The following STXBP4 variants were observed in gnomAD, a reference collection of about 807,000 sequenced individuals.
STXBP4 encodes syntaxin-binding protein 4.
Under a neutral mutation model 76.1 loss-of-function variants are expected in STXBP4, and 55 were observed. The observed-to-expected ratio is 0.72, with a 90% CI of 0.58 to 0.91. The LOEUF (loss-of-function observed/expected upper bound fraction) is 0.91. STXBP4 is among the 40% of genes least tolerant of loss of function. STXBP4 has a pLI of 0.00. For missense variants in STXBP4, 618 were observed against 636.9 expected (o/e 0.97, Z 0.32); for synonymous variants, 201 against 220.2 (o/e 0.91, Z 0.77).
At chr17:55,095,687 T>C (rs2079476378) in intron 16 of STXBP4, among the ~76,000 whole-genome samples, 1 of 152,206 alleles carries the variant, frequency 6.6e-6, no homozygotes, top group African/African-American at 2.4e-5. Flanking sequence ...AGTTTTGCAG[T>C]TCTAAAGTTC....
intron 16 of STXBP4, among the ~76,000 whole-genome samples, chr17:55,138,794 C>G (rs1311533396): frequency 6.6e-6 from 1 of 151,954 alleles, no homozygotes; most frequent in Non-Finnish European, 1.5e-5. Flanking sequence ...AAACTGAGTT[C>G]ATCAATAAGC....
chr17:55,078,630 A>G, intron 14 of STXBP4, 56 bp from the exon 15 acceptor site: 3 of 1,112,396 alleles, frequency 2.7e-6, no homozygotes, highest in Non-Finnish European at 4.0e-6. Flanking sequence ...AAGAAAAGAT[A>G]TTTTTTAAAA....
At chr17:54,987,217 TA>T (rs997704115) in intron 3 of STXBP4, among the ~76,000 whole-genome samples, 4 of 152,106 alleles carry the variant, frequency 2.6e-5, no homozygotes, top group African/African-American at 9.7e-5. Flanking sequence ...CAAGGCATAT[TA>T]AAAAAAATCT....
chr17:55,013,703 T>TAAATCATCC (rs2078152750), intron 8 of STXBP4, among the ~76,000 whole-genome samples: 1 of 152,194 alleles, frequency 6.6e-6, no homozygotes, highest in African/African-American at 2.4e-5. Flanking sequence ...CAGCTAAAAG[T>TAAATCATCC]AAATCATCCA....
chr17:55,009,178 A>G (rs1289562001), intron 8 of STXBP4, among the ~76,000 whole-genome samples: 1 of 152,174 alleles, frequency 6.6e-6, no homozygotes, highest in Non-Finnish European at 1.5e-5. Flanking sequence ...TCTCCTTTAT[A>G]CTTTCAAAAT....
the STXBP4 span, among the ~76,000 whole-genome samples, chr17:55,204,017 C>T: frequency 6.6e-6 from 1 of 151,994 alleles, no homozygotes; most frequent in Non-Finnish European, 1.5e-5. Flanking sequence ...AAATCTCATC[C>T]AATATCTCTT....
Position 55,168,562 on chromosome 17 carries a change from T to G in STXBP4, c.*8651T>G, listed in dbSNP as rs1466018147. On this transcript the variant is annotated 3_prime_UTR_variant, in exon 18 of 18. Transcript: ENST00000376352. ...TGACTTAGTAGTTAGAATTTTTATCTTATACGCCTTTAAGTAAATACAAGA... is the reference window on the plus strand; with the variant it reads ...TGACTTAGTAGTTAGAATTTTTATCGTATACGCCTTTAAGTAAATACAAGA... The G allele has an allele frequency of 6.6e-6, 1 of 152,226 alleles. No individual in the cohort carries two copies. The highest frequency in any genetic ancestry group is 1.5e-5 in the Non-Finnish European group (1 of 68,018). 9.4% of individuals were successfully genotyped at this position (152,226 alleles called of 1,614,324 possible).
intron 12 of STXBP4, among the ~76,000 whole-genome samples, chr17:55,069,075 T>C (rs1240584239): frequency 6.6e-6 from 1 of 151,730 alleles, no homozygotes; most frequent in Non-Finnish European, 1.5e-5. Context: ...CTTTGAAGTT[T>C]CATTATGTAA....
chr17:55,026,990 G>T (rs1225841530), intron 8 of STXBP4, among the ~76,000 whole-genome samples: 6 of 152,132 alleles, frequency 3.9e-5, no homozygotes, highest in African/African-American at 1.4e-4. Flanking sequence ...TTTGATTTTA[G>T]CTAGCTGAAA....
chr17:55,211,097 C>G, the STXBP4 span, among the ~76,000 whole-genome samples: 22 of 152,026 alleles, frequency 1.4e-4, no homozygotes, highest in African/African-American at 5.1e-4. Context: ...TGAAATGCCC[C>G]CCCCCATGAA....
At chr17:55,157,833 T>C (rs1288412208) in intron 17 of STXBP4, among the ~76,000 whole-genome samples, 3 of 152,180 alleles carry the variant, frequency 2.0e-5, no homozygotes, top group Non-Finnish European at 4.4e-5. Context: ...TTGTAATCAG[T>C]AGCCAATAAA....
At chr17:55,126,634 G>C (rs1178146841) in intron 16 of STXBP4, among the ~76,000 whole-genome samples, 1 of 152,110 alleles carries the variant, frequency 6.6e-6, no homozygotes, top group African/African-American at 2.4e-5. Context: ...TCAAAAGAAA[G>C]AATTTCTGGA....
At chr17:55,068,891 G>C (rs907588120) in intron 12 of STXBP4, among the ~76,000 whole-genome samples, 1 of 151,988 alleles carries the variant, frequency 6.6e-6, no homozygotes, top group Non-Finnish European at 1.5e-5. Context: ...TTTCATTCTA[G>C]ATCATGTTAC....
intron 8 of STXBP4, among the ~76,000 whole-genome samples, chr17:55,030,383 C>T (rs1038919998): frequency 6.6e-6 from 1 of 152,130 alleles, no homozygotes; most frequent in African/African-American, 2.4e-5. Context: ...CTTACCCCGA[C>T]TTTTGAAAGG....
At chr17:55,028,377 A>G (rs1295007602) in intron 8 of STXBP4, among the ~76,000 whole-genome samples, 1 of 152,170 alleles carries the variant, frequency 6.6e-6, no homozygotes. Context: ...TGTACAGAAT[A>G]GAAAGGAGTA....
intron 4 of STXBP4, chr17:54,991,712 TA>T (rs2077719440): frequency 6.6e-6 from 1 of 150,742 alleles, no homozygotes; most frequent in South Asian, 2.1e-4. Context: ...AAAATTATAT[TA>T]ATAATTAAGA....
chr17:54,992,440 A>C (rs1037772850), intron 4 of STXBP4, among the ~76,000 whole-genome samples: 17 of 151,880 alleles, frequency 1.1e-4, no homozygotes, highest in African/African-American at 4.1e-4. Context: ...GTATTATTTA[A>C]TAAGTTTAAT....
chr17:55,093,620 A>T (rs1241498259), intron 16 of STXBP4, among the ~76,000 whole-genome samples: 1 of 152,246 alleles, frequency 6.6e-6, no homozygotes, highest in Non-Finnish European at 1.5e-5. Flanking sequence ...TCACTGTTGT[A>T]AGGTTCCATT....
chr17:55,187,674 G>A, the STXBP4 span, among the ~76,000 whole-genome samples: 1 of 152,184 alleles, frequency 6.6e-6, no homozygotes, highest in African/African-American at 2.4e-5. Context: ...TTTCCCCCCA[G>A]GGAGGCTGCC....
Sources: allele counts gnomAD v4.1 joint callset (sites outside exome capture counted in the v4.1 genomes callset), GRCh38; gene constraint gnomAD v4.1.1; transcripts MANE v1.5; gene names NCBI Gene and HGNC (gene_info 2026-07-23, HGNC 2026-07-21).